Variants in PTPRB observed in about 807,000 individuals in gnomAD.
PTPRB encodes the protein receptor-type tyrosine-protein phosphatase beta.
A neutral mutation model predicts 238.1 loss-of-function variants in PTPRB; 97 were observed. That is an observed-to-expected ratio of 0.41 (90% confidence interval 0.35 to 0.48). PTPRB has a LOEUF of 0.48. PTPRB is among the 20% of genes least tolerant of loss of function. PTPRB has a pLI of 0.30. For synonymous variants in PTPRB, 970 were observed against 995.4 expected, an observed-to-expected ratio of 0.97 and a Z score of 0.48; for missense variants, 2,292 against 2,681.9, an observed-to-expected ratio of 0.85 and a Z score of 3.21.
At chr12:70,530,714 T>A (rs1021852930) in intron 32 of PTPRB, among the ~76,000 whole-genome samples, 15 of 152,180 alleles carry the variant, frequency 9.9e-5, no homozygotes, top group Admixed American at 9.2e-4. Context: ...AAACTCACTA[T>A]ACTATTTTTC....
chr12:70,613,812 A>G (rs1235931622), intron 3 of PTPRB, among the ~76,000 whole-genome samples: 1 of 152,188 alleles, frequency 6.6e-6, no homozygotes, highest in East Asian at 1.9e-4. Context: ...TTGTTACATG[A>G]ATAAATATCC....
At chr12:70,633,818 C>A (rs1885564052) in intron 2 of PTPRB, among the ~76,000 whole-genome samples, 1 of 151,994 alleles carries the variant, frequency 6.6e-6, no homozygotes, top group African/African-American at 2.4e-5. Context: ...AATAACTCAC[C>A]ACTGAGTCCA....
At chr12:70,634,319 T>C (rs994528047) in intron 2 of PTPRB, among the ~76,000 whole-genome samples, 4 of 152,218 alleles carry the variant, frequency 2.6e-5, no homozygotes, top group Admixed American at 1.3e-4. Context: ...TATTGGATTA[T>C]GGATCAAAAT....
Position 70,551,244 on chromosome 12 carries a change from T to C in PTPRB, c.5387+1533A>G, listed in dbSNP as rs547479228. On this transcript the variant is annotated intron_variant, in intron 21 of 33. Coordinates refer to ENST00000334414, the MANE Select transcript of PTPRB (RefSeq NM_001109754.4). ...CTGATAAATCCTGGTTTTCTGATCT[T>C]TCATGTTTCTCCCTTGTTCTTCTGA... Among the ~76,000 whole-genome samples, 4 of 152,346 alleles carry C rather than the reference T, an allele frequency of 2.6e-5. No individual in the cohort carries two copies. The East Asian group carries it at 5.8e-4, about 22-fold the overall frequency.
chr12:70,635,765 C>G lies in PTPRB; in HGVS notation c.357G>C (p.Val119=). The G allele has an allele frequency of 6.2e-7, 1 of 1,613,844 alleles. No homozygotes were observed. Among genetic ancestry groups the G allele is most frequent in the Non-Finnish European group, 8.5e-7 (1 of 1,179,852 alleles). ...LFLQKQGSRV[V]VKKARKYLHS... is the part of the protein sequence containing the mutation. Reference sequence around the variant, plus strand: ...GGAGGTATTTCCTGGCCTTCTTGACCACTACTCTGGAGCCTTGTTTCTGGA... The same window carrying G: ...GGAGGTATTTCCTGGCCTTCTTGACGACTACTCTGGAGCCTTGTTTCTGGA... Residue 119 remains valine (V), a synonymous_variant, in exon 2 of 34, where the codon GTG becomes GTC. Coordinates refer to ENST00000334414, the MANE Select transcript of PTPRB (RefSeq NM_001109754.4).
rs775767896 is a variant in PTPRB at position 70,539,939 on chromosome 12, C to A, written c.5678G>T (p.Gly1893Val). The change falls in exon 24 of 34, where the codon GGT (glycine) becomes GTT (valine). Residue 1893 changes from glycine to valine, a missense_variant and splice_region_variant. By Grantham distance (109) the Gly-to-Val change is moderately radical. Coordinates refer to ENST00000334414, the MANE Select transcript of PTPRB (RefSeq NM_001109754.4). ...LSVHLNLGQK[G>V]NRKTSCPIKI... The stretch of plus-strand genomic sequence containing the variant: ...ATACGAAGGCAAATGTGGTGCTTAC[C>A]CTTTCTGGCCCAGGTTTAAGTGGAC... 11 of 1,606,282 alleles carry A rather than the reference C, an allele frequency of 6.8e-6. No individual in the cohort carries two copies. In the African/African-American group the frequency reaches 1.1e-4, roughly 16 times the overall value.
chr12:70,591,476 G>A (rs1396719227), intron 7 of PTPRB, among the ~76,000 whole-genome samples: 1 of 152,074 alleles, frequency 6.6e-6, no homozygotes, highest in Admixed American at 6.6e-5. Flanking sequence ...GTTTTGTTGT[G>A]AGAACTAAAT....
intron 2 of PTPRB, among the ~76,000 whole-genome samples, chr12:70,628,485 C>T (rs1001975849): frequency 1.3e-5 from 2 of 152,094 alleles, no homozygotes; most frequent in Admixed American, 6.6e-5. Context: ...CATGGATTTG[C>T]GTGAATGTTT....
At chr12:70,554,744 G>C (rs1457962167) in intron 20 of PTPRB, among the ~76,000 whole-genome samples, 1 of 152,072 alleles carries the variant, frequency 6.6e-6, no homozygotes, top group Non-Finnish European at 1.5e-5. Flanking sequence ...GACAGGGAGG[G>C]GTGAAGACAG....
At chr12:70,631,010 A>C (rs1489260110) in intron 2 of PTPRB, among the ~76,000 whole-genome samples, 1 of 152,142 alleles carries the variant, frequency 6.6e-6, no homozygotes, top group East Asian at 1.9e-4. Context: ...TGCCCAAGGT[A>C]ATTTATAGAT....
chr12:70,540,049 T>C (rs1461971326), intron 23 of PTPRB, 27 bp from the exon 24 acceptor site: 2 of 1,560,744 alleles, frequency 1.3e-6, no homozygotes, highest in Non-Finnish European at 1.8e-6. Context: ...ATAACTTTTA[T>C]TCTGATTATG....
chr12:70,606,011 T>C (rs949818622), intron 4 of PTPRB, among the ~76,000 whole-genome samples: 2 of 152,228 alleles, frequency 1.3e-5, no homozygotes, highest in Admixed American at 6.5e-5. Context: ...AGGATATTCT[T>C]GTTGCGTTGA....
At chr12:70,627,638 C>T (rs78403192) in intron 2 of PTPRB, among the ~76,000 whole-genome samples, 1 of 151,882 alleles carries the variant, frequency 6.6e-6, no homozygotes, top group Non-Finnish European at 1.5e-5. Flanking sequence ...ATGTCACAGG[C>T]TGAATATGGT....
Position 70,635,988 on chromosome 12 carries a change from C to G in PTPRB, c.134G>C (p.Arg45Thr), listed in dbSNP as rs763370003. Residue 45 changes from arginine (R) to threonine (T), a missense_variant, in exon 2 of 34, where the codon AGG becomes ACG. By Grantham distance (71) the Arg-to-Thr change is moderately conservative. This residue lies in a region of PTPRB where 1,205 missense variants were observed against 1,287.8 expected (regional missense o/e 0.94). Coordinates refer to ENST00000334414, the MANE Select transcript of PTPRB (RefSeq NM_001109754.4). ...NEKVVVGSCN[R>T]TIQNQQWMWT... ...CATCCACTGCTGGTTCTGGATGGTC[C>G]TGTTGCATGAGCCCACGACCACTTT... 3 of 1,613,496 alleles carry G rather than the reference C, an allele frequency of 1.9e-6. No homozygotes were observed. The highest frequency in any genetic ancestry group is 2.5e-6 in the Non-Finnish European group (3 of 1,179,726).
intron 14 of PTPRB, among the ~76,000 whole-genome samples, chr12:70,569,046 G>C (rs1373876016): frequency 1.3e-5 from 2 of 152,082 alleles, no homozygotes; most frequent in Non-Finnish European, 2.9e-5. Context: ...TTAAAAGGTA[G>C]AACTTTTGAA....
chr12:70,610,152 C>G (rs1316008126), intron 3 of PTPRB, among the ~76,000 whole-genome samples: 1 of 152,192 alleles, frequency 6.6e-6, no homozygotes, highest in Non-Finnish European at 1.5e-5. Flanking sequence ...AGGAACAATG[C>G]GCCGGCGAGG....
chr12:70,532,789 G>A (rs1873489595), intron 31 of PTPRB, among the ~76,000 whole-genome samples: 1 of 151,826 alleles, frequency 6.6e-6, no homozygotes, highest in South Asian at 2.1e-4. Flanking sequence ...CCACAGGCAT[G>A]TGTAACTACT....
At chr12:70,530,124 C>T (rs1290657334) in intron 32 of PTPRB, among the ~76,000 whole-genome samples, 1 of 137,752 alleles carries the variant, frequency 7.3e-6, no homozygotes, top group Non-Finnish European at 1.5e-5. Flanking sequence ...ATTTCAGAGA[C>T]ACTTCAACCA....
chr12:70,615,971 T>G (rs1884659917), intron 3 of PTPRB, among the ~76,000 whole-genome samples: 1 of 152,200 alleles, frequency 6.6e-6, no homozygotes, highest in Non-Finnish European at 1.5e-5. Flanking sequence ...TGGATATACT[T>G]AAATCCACAG....
Sources: gnomAD v4.1 joint callset for allele counts (sites outside exome capture counted in the v4.1 genomes callset) on GRCh38, gnomAD v4.1.1 for gene constraint, gnomAD v4.1.1 regional missense constraint, MANE v1.5 for transcripts, NCBI Gene and HGNC (gene_info 2026-07-23, HGNC 2026-07-21) for gene names.